SNX24: variants seen among roughly 807,000 people sequenced by gnomAD.
SNX24 encodes sorting nexin 24, also known as sorting nexin-24.
A neutral mutation model predicts 28.7 loss-of-function variants in SNX24; 22 were observed. That is an observed-to-expected ratio of 0.77 (90% CI 0.55 to 1.10). The LOEUF (loss-of-function observed/expected upper bound fraction) is 1.10, where lower values mean the gene tolerates loss of function less well. Among genes scored for constraint, SNX24 ranks in the 50% least tolerant of loss-of-function variants. The probability of loss-of-function intolerance (pLI) is 0.00; values close to 1 mark genes in which losing one functional copy is unlikely to be tolerated. For missense variants in SNX24, 221 were observed against 201.1 expected, an observed-to-expected ratio of 1.10 and a Z score of -0.60; for synonymous variants, 69 against 71.5, an observed-to-expected ratio of 0.96 and a Z score of 0.18.
At chr5:123,018,020 T>C (rs1762710376) in intron 5 of SNX24, among the ~76,000 whole-genome samples, 1 of 151,934 alleles carries the variant, frequency 6.6e-6, no homozygotes, top group Non-Finnish European at 1.5e-5. Flanking sequence ...ATCCTTGCCC[T>C]AGAGAGGAGC....
At chr5:122,893,974 G>A (rs1372694089) in intron 1 of SNX24, among the ~76,000 whole-genome samples, 1 of 151,664 alleles carries the variant, frequency 6.6e-6, no homozygotes, top group Non-Finnish European at 1.5e-5. Flanking sequence ...CTTGAACCCG[G>A]TTGCTGTGAG....
At chr5:122,972,076 C>G (rs1760983254) in intron 3 of SNX24, among the ~76,000 whole-genome samples, 1 of 152,204 alleles carries the variant, frequency 6.6e-6, no homozygotes, top group South Asian at 2.1e-4. Context: ...TAGACTGATT[C>G]CATCTTGATA....
intron 1 of SNX24, among the ~76,000 whole-genome samples, chr5:122,864,932 T>C (rs1755651028): frequency 6.6e-6 from 1 of 152,232 alleles, no homozygotes; most frequent in Non-Finnish European, 1.5e-5. Flanking sequence ...AACTATAAAC[T>C]GTAGACTAAG....
intron 1 of SNX24, among the ~76,000 whole-genome samples, chr5:122,918,596 C>T (rs1470809602): frequency 2.6e-5 from 4 of 152,174 alleles, no homozygotes; most frequent in Non-Finnish European, 5.9e-5. Flanking sequence ...ATATCTTACT[C>T]TGTCCTGTGT....
intron 1 of SNX24, among the ~76,000 whole-genome samples, chr5:122,894,987 C>T (rs1581716644): frequency 1.8e-5 from 1 of 54,312 alleles, no homozygotes; most frequent in Non-Finnish European, 3.8e-5. Flanking sequence ...CAGTAAATCA[C>T]TTCATTTTAG....
chr5:122,892,649 G>A (rs71594314), intron 1 of SNX24, among the ~76,000 whole-genome samples: 2 of 151,896 alleles, frequency 1.3e-5, no homozygotes, highest in African/African-American at 2.4e-5. Flanking sequence ...TGTTGGCCAG[G>A]CTGCTCTTGA....
intron 1 of SNX24, among the ~76,000 whole-genome samples, chr5:122,879,969 C>T (rs190759799): frequency 1.3e-5 from 2 of 152,278 alleles, no homozygotes; most frequent in Admixed American, 1.3e-4. Flanking sequence ...GTTTAGGGTA[C>T]TTTGAGTCAG....
chr5:122,949,881 G>A (rs1759859313), intron 3 of SNX24, among the ~76,000 whole-genome samples: 1 of 152,136 alleles, frequency 6.6e-6, no homozygotes, highest in South Asian at 2.1e-4. Context: ...TAATTAATCA[G>A]GGAGACATCA....
At chr5:122,886,882 A>G (rs763127585) in intron 1 of SNX24, among the ~76,000 whole-genome samples, 2 of 152,014 alleles carry the variant, frequency 1.3e-5, no homozygotes, top group Non-Finnish European at 2.9e-5. Flanking sequence ...TAAGGCAAGA[A>G]CCTTAGCACA....
intron 1 of SNX24, among the ~76,000 whole-genome samples, chr5:122,915,256 G>C (rs1232367726): frequency 6.6e-6 from 1 of 152,002 alleles, no homozygotes; most frequent in Non-Finnish European, 1.5e-5. Context: ...TCTCACCCTG[G>C]TCTGCTGTAG....
At chr5:122,961,545 G>C (rs1377113960) in intron 3 of SNX24, among the ~76,000 whole-genome samples, 1 of 152,180 alleles carries the variant, frequency 6.6e-6, no homozygotes, top group Non-Finnish European at 1.5e-5. Context: ...GTACTTAACA[G>C]TACCGTCCTT....
Position 122,890,947 on chromosome 5 carries a change from A to T in SNX24, c.60+45254A>T, listed in dbSNP as rs1164550373. 8.0e-6 allele frequency: 10 copies of T among 1,244,420 alleles called. No individual in the cohort carries two copies. The African/African-American group carries it at 1.2e-4, about 15-fold the overall frequency. The allele number at this position is 1,244,420 out of a possible 1,614,324, so 77.1% of individuals were successfully genotyped here. A position where few individuals can be genotyped will look rare whatever the true frequency, so the allele number is the denominator to read the frequency against. The stretch of plus-strand genomic sequence containing the variant: ...TTTATCCCTTCAAGATTTTTCTGCA[A>T]GGATTTTAAAGTAAAATTTAAATAG... On this transcript the variant is annotated intron_variant, in intron 1 of 6. Coordinates refer to ENST00000261369, the MANE Select transcript of SNX24 (RefSeq NM_014035.4).
At position 122,999,900 on chromosome 5, in the gene SNX24, C is replaced by T. The variant is rs1312565351; in HGVS notation, c.250-12C>T. ...TCACTTCAGTTTCGAATTCTGTTTT[C>T]TGCTTTCACAGGCTGTCATTTTAGA... On this transcript the variant is annotated splice_polypyrimidine_tract_variant and intron_variant, in intron 3 of 6. Coordinates refer to ENST00000261369, the MANE Select transcript of SNX24 (RefSeq NM_014035.4). 3.9e-6 allele frequency: 6 copies of T among 1,553,408 alleles called. No homozygotes were observed. The highest frequency in any genetic ancestry group is 5.3e-6 in the Non-Finnish European group (6 of 1,125,094).
At chr5:122,987,217 T>G (rs530385399) in intron 3 of SNX24, among the ~76,000 whole-genome samples, 3 of 152,146 alleles carry the variant, frequency 2.0e-5, no homozygotes, top group Admixed American at 6.5e-5. Context: ...TGAAAATGGG[T>G]AAAGGCTGAT....
intron 1 of SNX24, among the ~76,000 whole-genome samples, chr5:122,893,992 T>C (rs556914838): frequency 1.3e-5 from 2 of 151,578 alleles, no homozygotes; most frequent in South Asian, 4.2e-4. Context: ...GAGCCAAGAT[T>C]ATACCATTGC....
chr5:123,021,249 C>T (rs977518054), intron 5 of SNX24, among the ~76,000 whole-genome samples: 11 of 152,128 alleles, frequency 7.2e-5, no homozygotes, highest in African/African-American at 2.7e-4. Flanking sequence ...TAATTTGTCA[C>T]CTTCACAAGA....
intron 3 of SNX24, among the ~76,000 whole-genome samples, chr5:122,986,650 C>T (rs1761615664): frequency 6.6e-6 from 1 of 152,016 alleles, no homozygotes; most frequent in African/African-American, 2.4e-5. Context: ...AGTGAATGAA[C>T]TGGAGATAAG....
chr5:123,006,892 G>A (rs1337394229), intron 6 of SNX24, among the ~76,000 whole-genome samples: 2 of 152,082 alleles, frequency 1.3e-5, no homozygotes, highest in Non-Finnish European at 2.9e-5. Context: ...TAAAATATTG[G>A]ACTACTTTTA....
chr5:122,910,370 C>G (rs1011473135), intron 1 of SNX24, among the ~76,000 whole-genome samples: 1 of 152,068 alleles, frequency 6.6e-6, no homozygotes, highest in Non-Finnish European at 1.5e-5. Flanking sequence ...ATTTCAGGAC[C>G]AATGTTATTA....
Sources: gnomAD v4.1 joint callset for allele counts (sites outside exome capture counted in the v4.1 genomes callset) on GRCh38, gnomAD v4.1.1 for gene constraint, MANE v1.5 for transcripts, NCBI Gene and HGNC (gene_info 2026-07-23, HGNC 2026-07-21) for gene names.